The following VPS37C variants were observed in gnomAD, a reference collection of about 807,000 sequenced individuals.
VPS37C encodes the protein vacuolar protein sorting-associated protein 37C.
A neutral mutation model predicts 16.1 loss-of-function variants in VPS37C; 9 were observed. The observed-to-expected ratio is 0.56, with a 90% CI of 0.34 to 0.97. VPS37C has a LOEUF of 0.97. Ranked by LOEUF, VPS37C falls within the 50% of genes least tolerant of loss-of-function variation. The pLI, the probability that VPS37C is intolerant of heterozygous loss-of-function variation, is 0.02. For synonymous variants in VPS37C, 207 were observed against 206.4 expected (o/e 1.00, Z -0.02); for missense variants, 479 against 472.7 (o/e 1.01, Z -0.12).
At chr11:61,150,552 G>GT (rs139641666) in intron 1 of VPS37C, among the ~76,000 whole-genome samples, 59,126 of 127,412 alleles carry the variant, frequency 0.46, 13,625 homozygotes, top group East Asian at 0.98. Flanking sequence ...TTTCAAAGGA[G>GT]TTTTGTTTTT....
At chr11:61,149,394 T>C (rs1853264931) in intron 1 of VPS37C, among the ~76,000 whole-genome samples, 2 of 152,210 alleles carry the variant, frequency 1.3e-5, no homozygotes, top group Admixed American at 6.5e-5. Context: ...CATGGGCACA[T>C]TATTCAGCCT....
chr11:61,157,169 T>C (rs527814112), intron 1 of VPS37C, among the ~76,000 whole-genome samples: 1 of 152,398 alleles, frequency 6.6e-6, no homozygotes, highest in East Asian at 1.9e-4. Flanking sequence ...TCCCAACTTT[T>C]TGGCTATTGT....
At chr11:61,155,666 T>C (rs996105722) in intron 1 of VPS37C, among the ~76,000 whole-genome samples, 2 of 151,980 alleles carry the variant, frequency 1.3e-5, no homozygotes, top group Non-Finnish European at 2.9e-5. Context: ...TAAAGACTTC[T>C]CTAGACACCC....
At chr11:61,142,522 C>T (rs899290198) in intron 1 of VPS37C, among the ~76,000 whole-genome samples, 1 of 152,156 alleles carries the variant, frequency 6.6e-6, no homozygotes, top group Non-Finnish European at 1.5e-5. Flanking sequence ...GTGTGAGCCA[C>T]CACACCCAGA....
At chr11:61,151,977 A>G (rs1853304383) in intron 1 of VPS37C, among the ~76,000 whole-genome samples, 1 of 152,074 alleles carries the variant, frequency 6.6e-6, no homozygotes, top group Non-Finnish European at 1.5e-5. Context: ...CTTTGTCCCT[A>G]CTGTTCAGAT....
chr11:61,144,095 G>C (rs559998726), intron 1 of VPS37C: 2 of 150,242 alleles, frequency 1.3e-5, no homozygotes, highest in African/African-American at 2.5e-5. Flanking sequence ...TCAGCCTCCC[G>C]AGTAGCTGGG....
chr11:61,137,386 T>TGTG (rs1410087967), intron 2 of VPS37C, among the ~76,000 whole-genome samples: 5 of 152,188 alleles, frequency 3.3e-5, no homozygotes, highest in Non-Finnish European at 7.3e-5. Context: ...ATGGGACAGG[T>TGTG]GTGGCTGCAC....
intron 2 of VPS37C, among the ~76,000 whole-genome samples, chr11:61,136,269 G>A (rs578141504): frequency 1.3e-5 from 2 of 150,192 alleles, no homozygotes; most frequent in Non-Finnish European, 3.0e-5. Flanking sequence ...GGGTTCAAGC[G>A]ATTCTCCTGC....
rs181332816 is a variant in VPS37C at position 61,148,810 on chromosome 11, C to T, written c.-6-9975G>A. On this transcript the variant is annotated intron_variant, in intron 1 of 4. Coordinates refer to ENST00000301765, the MANE Select transcript of VPS37C (RefSeq NM_017966.5). ...AGAGTGCAGGGACGCAAAAGTAGCT[C>T]ACTTCACAGCCTCAAACTCTTGGGC... Among the ~76,000 whole-genome samples, 11 of 152,338 alleles carry T rather than the reference C, an allele frequency of 7.2e-5. No homozygotes were observed. In the East Asian group the frequency reaches 1.5e-3, roughly 21 times the overall value.
intron 1 of VPS37C, among the ~76,000 whole-genome samples, chr11:61,140,013 G>A (rs1383797575): frequency 6.6e-6 from 1 of 152,102 alleles, no homozygotes; most frequent in Non-Finnish European, 1.5e-5. Context: ...AAGGTGCTGG[G>A]ATTACAGGTG....
intron 1 of VPS37C, among the ~76,000 whole-genome samples, chr11:61,160,666 C>T (rs887290726): frequency 1.3e-5 from 2 of 152,238 alleles, no homozygotes; most frequent in Non-Finnish European, 2.9e-5. Context: ...GTAGAGTCCA[C>T]TCTGCCAGTA....
In VPS37C at chr11:61,149,819, C is replaced by G. The variant is rs543864491; in HGVS notation, c.-6-10984G>C. The stretch of plus-strand genomic sequence containing the variant: ...CCACTGAAAAACTCCATCTGACCCC[C>G]CTTTGTCCAGAGGCAGGGCCGTCAA... On this transcript the variant is annotated intron_variant, in intron 1 of 4. Transcript: ENST00000301765. Among the ~76,000 whole-genome samples the G allele has an allele frequency of 4.6e-5, 7 of 152,230 alleles. 1 individual carries two copies. The highest frequency in any genetic ancestry group is 8.8e-5 in the Non-Finnish European group (6 of 68,052).
intron 1 of VPS37C, among the ~76,000 whole-genome samples, chr11:61,156,595 A>G (rs1004364270): frequency 2.0e-5 from 3 of 152,114 alleles, no homozygotes; most frequent in Non-Finnish European, 4.4e-5. Context: ...AAAAAAAAAC[A>G]AAAACAAAAA....
At chr11:61,150,934 A>G (rs939794953) in intron 1 of VPS37C, among the ~76,000 whole-genome samples, 1 of 152,204 alleles carries the variant, frequency 6.6e-6, no homozygotes, top group Non-Finnish European at 1.5e-5. Flanking sequence ...CTCACAGTCC[A>G]GAGGCTGGCC....
chr11:61,148,313 T>C (rs1242936679), intron 1 of VPS37C, among the ~76,000 whole-genome samples: 3 of 152,184 alleles, frequency 2.0e-5, no homozygotes, highest in Admixed American at 2.0e-4. Context: ...CTTGGTTTCT[T>C]ACAAATTCCC....
In VPS37C at chr11:61,138,936, T is replaced by C. The variant is rs1427988682; in HGVS notation, c.-6-101A>G. On this transcript the variant is annotated intron_variant, in intron 1 of 4. Coordinates refer to ENST00000301765, the MANE Select transcript of VPS37C (RefSeq NM_017966.5). ...TATCAAAAACAAACTGGAGTTTTCC[T>C]GCGATAATACCACTCCACCGGGAGG... is the stretch of plus-strand genomic sequence containing the variant. 1.2e-5 allele frequency: 13 copies of C among 1,083,598 alleles called. No individual in the cohort carries two copies. In the South Asian group the frequency reaches 1.4e-4, roughly 12 times the overall value. 67.1% of individuals were successfully genotyped at this position (1,083,598 alleles called of 1,614,324 possible). A position where few individuals can be genotyped will look rare whatever the true frequency, so the allele number is the denominator to read the frequency against.
At chr11:61,156,411 C>T (rs980836674) in intron 1 of VPS37C, among the ~76,000 whole-genome samples, 5 of 151,964 alleles carry the variant, frequency 3.3e-5, no homozygotes, top group Non-Finnish European at 7.4e-5. Context: ...GGTGAAATCC[C>T]GTCTCTACTA....
chr11:61,139,012 C>A (rs1309475513), intron 1 of VPS37C, among the ~76,000 whole-genome samples, 177 bp from the exon 2 acceptor site: 8 of 152,170 alleles, frequency 5.3e-5, no homozygotes, highest in Non-Finnish European at 1.0e-4. Context: ...GCTCAGCCCA[C>A]CCCCTCCCCA....
intron 2 of VPS37C, chr11:61,138,353 A>G (rs1358535966): frequency 1.1e-5 from 2 of 184,238 alleles, no homozygotes; most frequent in Non-Finnish European, 2.3e-5. Flanking sequence ...GCTAGATCTC[A>G]GCCCAAGAAT....
Sources: gnomAD v4.1 joint callset for allele counts (sites outside exome capture counted in the v4.1 genomes callset) on GRCh38, gnomAD v4.1.1 for gene constraint, MANE v1.5 for transcripts, NCBI Gene and HGNC (gene_info 2026-07-23, HGNC 2026-07-21) for gene names.